SPON2: variants seen among roughly 807,000 people sequenced by gnomAD.
SPON2 encodes spondin 2.
A neutral mutation model predicts 29.9 loss-of-function variants in SPON2; 32 were observed. The observed-to-expected ratio is 1.07, with a 90% confidence interval of 0.81 to 1.44. The LOEUF (loss-of-function observed/expected upper bound fraction) is 1.44, where lower values mean the gene tolerates loss of function less well. SPON2 is among the 40% of genes most tolerant of loss of function. The probability of loss-of-function intolerance (pLI) is 0.00; values close to 1 mark genes in which losing one functional copy is unlikely to be tolerated. For synonymous variants in SPON2, 248 were observed against 209.1 expected, an observed-to-expected ratio of 1.19 and a Z score of -1.61; for missense variants, 541 against 455.5, an observed-to-expected ratio of 1.19 and a Z score of -1.71.
chr4:1,194,735 G>C, intron 1 of SPON2, among the ~76,000 whole-genome samples: 1 of 152,084 alleles, frequency 6.6e-6, no homozygotes, highest in South Asian at 2.1e-4. Flanking sequence ...CGGGGGGAAT[G>C]TGGGTCAGCG....
intron 1 of SPON2, chr4:1,207,865 C>G (rs1036743666): frequency 6.5e-6 from 1 of 153,248 alleles, no homozygotes; most frequent in African/African-American, 2.4e-5. Flanking sequence ...CTTGGGGAAG[C>G]GGAGGTAGAC....
At chr4:1,179,833 G>T (rs1008466776) in intron 1 of SPON2, among the ~76,000 whole-genome samples, 2 of 152,140 alleles carry the variant, frequency 1.3e-5, no homozygotes, top group Admixed American at 6.5e-5. Context: ...TTGCAAAGCT[G>T]TCTGTTTCTG....
In SPON2 at chr4:1,170,560, G is replaced by A. The variant is rs763104530; in HGVS notation, c.653C>T (p.Pro218Leu). 6.2e-7 allele frequency: 1 copy of A among 1,612,472 alleles called. No homozygotes were observed. Among genetic ancestry groups the A allele is most frequent in the Non-Finnish European group, 8.5e-7 (1 of 1,179,584 alleles). ...DTVTEITSSS[P>L]SHPANSFYYP... ...GTAGAAGGAGTTGGCCGGGTGGCTG[G>A]GAGAGGAGGACGTTATCTGGGGAGG... The change falls in exon 5 of 6, where the codon CCC (proline) becomes CTC (leucine). Residue 218 changes from proline (P) to leucine (L), a missense_variant. By Grantham distance (98) the Pro-to-Leu change is moderately conservative. Coordinates refer to ENST00000290902, the MANE Select transcript of SPON2 (RefSeq NM_012445.4).
intron 5 of SPON2, 144 bp downstream of exon 5, chr4:1,170,258 C>G: frequency 1.3e-6 from 1 of 783,516 alleles, no homozygotes; most frequent in Non-Finnish European, 2.1e-6. Context: ...TCAACAGAAT[C>G]CTAAATCTTC....
chr4:1,170,804 G>A, intron 4 of SPON2, 195 bp downstream of exon 4: 1 of 975,512 alleles, frequency 1.0e-6, no homozygotes, highest in Non-Finnish European at 1.6e-6. Context: ...TCCCTGCGGT[G>A]CTGTGACCCC....
At chr4:1,204,714 G>A (rs944669744) in intron 1 of SPON2, among the ~76,000 whole-genome samples, 4 of 152,190 alleles carry the variant, frequency 2.6e-5, no homozygotes, top group African/African-American at 9.7e-5. Flanking sequence ...GCCCCGCTGT[G>A]GCAGCCGGCC....
intron 1 of SPON2, among the ~76,000 whole-genome samples, chr4:1,185,744 A>G (rs1157360945): frequency 2.0e-5 from 3 of 146,392 alleles, no homozygotes; most frequent in African/African-American, 7.4e-5. Flanking sequence ...CTTTTGCCTG[A>G]CACTGTATGC....
chr4:1,181,234 A>AT (rs1727695812), intron 1 of SPON2, among the ~76,000 whole-genome samples: 1 of 152,200 alleles, frequency 6.6e-6, no homozygotes, highest in South Asian at 2.1e-4. Flanking sequence ...GTTGGGTGAC[A>AT]TATTAAACAC....
In SPON2 at chr4:1,167,399, C is replaced by A; in HGVS notation, c.*73G>T. 2 of 1,471,140 alleles carry A rather than the reference C, an allele frequency of 1.4e-6. No individual in the cohort carries two copies. The highest frequency in any genetic ancestry group is 2.3e-5 in the East Asian group (1 of 43,498). 91.1% of individuals were successfully genotyped at this position (1,471,140 alleles called of 1,614,324 possible). On this transcript the variant is annotated 3_prime_UTR_variant, in exon 6 of 6. Coordinates refer to ENST00000290902, the MANE Select transcript of SPON2 (RefSeq NM_012445.4). ...AACCCCCTGTGCCCTCGGCCGCCTG[C>A]AGCATGAGCCTGCACAGGAGCCCCC...
At chr4:1,194,672 C>G (rs901058803) in intron 1 of SPON2, among the ~76,000 whole-genome samples, 11 of 152,274 alleles carry the variant, frequency 7.2e-5, no homozygotes, top group African/African-American at 2.6e-4. Flanking sequence ...GAGCTGGCCC[C>G]GCTGCCGGGA....
rs370307267 is a variant in SPON2, at chr4:1,171,748, T to A, written c.220+104A>T. The A allele has an allele frequency of 3.3e-3, 2,889 of 888,644 alleles. 101 individuals carry two copies. In the South Asian group the frequency reaches 0.04, roughly 12 times the overall value. 55.0% of individuals were successfully genotyped at this position (888,644 alleles called of 1,614,324 possible). On this transcript the variant is annotated intron_variant, in intron 2 of 5. Transcript: ENST00000290902. Reference sequence around the variant, plus strand: ...ATTCTGGTGTTAGAGTCTCCCGACGTCAGCACGCCCCAGACTGGGAAGCGC... The same window carrying A: ...ATTCTGGTGTTAGAGTCTCCCGACGACAGCACGCCCCAGACTGGGAAGCGC...
intron 1 of SPON2, among the ~76,000 whole-genome samples, chr4:1,183,240 CA>C (rs71168813): frequency 2.1e-4 from 27 of 129,082 alleles, no homozygotes; most frequent in African/African-American, 2.9e-4. Context: ...GAAACTCCAT[CA>C]AAAAAAAAAA....
chr4:1,190,812 A>G (rs1320021552), intron 1 of SPON2, among the ~76,000 whole-genome samples: 2 of 152,254 alleles, frequency 1.3e-5, no homozygotes, highest in East Asian at 1.9e-4. Flanking sequence ...TTCTAAAACA[A>G]TGAACAATAT....
At chr4:1,208,833 G>C (rs938048339), upstream of SPON2, 4 of 152,490 alleles carry the variant, frequency 2.6e-5, no homozygotes, top group African/African-American at 4.8e-5. Flanking sequence ...CACATCGCCA[G>C]TTCACAAACA....
chr4:1,201,142 C>A (rs1020469484), intron 1 of SPON2: 2 of 455,758 alleles, frequency 4.4e-6, no homozygotes, highest in Non-Finnish European at 8.8e-6. Context: ...CAGCGGGACC[C>A]AGATTCCCTG....
chr4:1,187,099 A>G (rs780056676), intron 1 of SPON2, among the ~76,000 whole-genome samples: 2 of 152,248 alleles, frequency 1.3e-5, no homozygotes, highest in Non-Finnish European at 2.9e-5. Context: ...AGCGTTATTC[A>G]CAACAGCTAA....
chr4:1,199,404 T>C (rs1728143558), upstream of SPON2: 1 of 152,032 alleles, frequency 6.6e-6, no homozygotes, highest in Non-Finnish European at 1.5e-5. The surrounding 1 kb of genome is among the most constrained non-coding windows in gnomAD (Gnocchi z 4.5). Context: ...TCTCAAAAAA[T>C]ATTAAAATTA....
chr4:1,201,910 C>T (rs1728218548), intron 1 of SPON2, among the ~76,000 whole-genome samples: 1 of 152,206 alleles, frequency 6.6e-6, no homozygotes, highest in African/African-American at 2.4e-5. Flanking sequence ...CCGTGGCCTC[C>T]ACAGTGCTTC....
Position 1,167,538 on chromosome 4 carries a change from G to T in SPON2, c.930C>A (p.Ala310=), listed in dbSNP as rs781167185. 1 of 1,613,762 alleles carries T rather than the reference G, an allele frequency of 6.2e-7. No homozygotes were observed. The highest frequency in any genetic ancestry group is 1.3e-5 in the African/African-American group (1 of 75,064). The change falls in exon 6 of 6, where the codon GCC becomes GCA. Residue 310 remains alanine (A), a synonymous_variant. Transcript: ENST00000290902. ...SRTRYVRVQP[A]NNGSPCPELE... ...GCTCGGGGCAGGGGCTCCCGTTGTT[G>T]GCGGGCTGGACCCGGACGTAGCGAG...
Sources: gnomAD v4.1 joint callset for allele counts (sites outside exome capture counted in the v4.1 genomes callset) on GRCh38, gnomAD v4.1.1 for gene constraint, Gnocchi (gnomAD v3.1) non-coding constraint, MANE v1.5 for transcripts, NCBI Gene and HGNC (gene_info 2026-07-23, HGNC 2026-07-21) for gene names.